Variants in NRG1 observed in about 807,000 individuals in gnomAD.
NRG1 encodes the protein pro-neuregulin-1, membrane-bound isoform.
NRG1 carries 18 observed loss-of-function variants against 63.8 expected under a neutral mutation model. The observed-to-expected ratio is 0.28, with a 90% CI of 0.19 to 0.42. NRG1 has a LOEUF of 0.42. Ranked by LOEUF, NRG1 falls within the 10% of genes least tolerant of loss-of-function variation. The pLI, the probability that NRG1 is intolerant of heterozygous loss-of-function variation, is 1.00. For missense variants in NRG1, 762 were observed against 814.7 expected (o/e 0.94, Z 0.79); for synonymous variants, 302 against 301.3 (o/e 1.00, Z -0.02).
At chr8:31,937,570 C>T (rs565772027) in intron 1 of NRG1, among the ~76,000 whole-genome samples, 6 of 152,124 alleles carry the variant, frequency 3.9e-5, no homozygotes, top group Non-Finnish European at 7.4e-5. Context: ...TGTCGAAAAA[C>T]TGTGAGTCTG....
chr8:32,759,340 A>C, exon 10 of NRG1: 3 of 1,613,938 alleles, frequency 1.9e-6, no homozygotes, highest in Non-Finnish European at 2.5e-6. Flanking sequence ...TCCAGTGAGC[A>C]TATTGTTGAG....
At chr8:31,986,431 G>A (rs1810079735) in intron 1 of NRG1, among the ~76,000 whole-genome samples, 1 of 152,180 alleles carries the variant, frequency 6.6e-6, no homozygotes, top group South Asian at 2.1e-4. Context: ...AGAGGCCAGA[G>A]ATCTCAAAAA....
chr8:32,712,193 A>G (rs762327276), intron 5 of NRG1, among the ~76,000 whole-genome samples: 1 of 152,156 alleles, frequency 6.6e-6, no homozygotes, highest in Non-Finnish European at 1.5e-5. Context: ...TCCGATTTTC[A>G]TGCTTCTGGG....
rs146206626 is a variant in NRG1 at position 32,076,195 on chromosome 8, C to G, written c.37+436764C>G. On this transcript the variant is annotated intron_variant, in intron 1 of 10. Coordinates refer to the NRG1 transcript ENST00000519301. The stretch of plus-strand genomic sequence containing the variant: ...AGTGGTGTGGTTTGCTTCTCCTGAC[C>G]CTTTCATGAGCAAAGCTGGTTTCAG... Among the ~76,000 whole-genome samples the G allele has an allele frequency of 6.0e-4, 91 of 152,202 alleles. 1 individual carries two copies. The East Asian group carries it at 0.016, about 26-fold the overall frequency.
At chr8:32,217,238 A>T (rs932270005) in intron 1 of NRG1, among the ~76,000 whole-genome samples, 1 of 95,206 alleles carries the variant, frequency 1.1e-5, no homozygotes, top group Non-Finnish European at 2.1e-5. Flanking sequence ...AAAAAAAAAA[A>T]AAAAAATACT....
chr8:31,804,695 A>G (rs1182631578), intron 1 of NRG1, among the ~76,000 whole-genome samples: 2 of 152,168 alleles, frequency 1.3e-5, no homozygotes, highest in Non-Finnish European at 2.9e-5. Context: ...TTTTTCTTCT[A>G]TGGAAAGCCT....
chr8:32,174,879 T>C (rs1840520203), intron 1 of NRG1, among the ~76,000 whole-genome samples: 1 of 152,146 alleles, frequency 6.6e-6, no homozygotes, highest in Admixed American at 6.5e-5. Context: ...CCAGATCGAT[T>C]CACAGCCAAA....
chr8:31,927,753 T>A (rs910014867), intron 1 of NRG1, among the ~76,000 whole-genome samples: 1 of 151,492 alleles, frequency 6.6e-6, no homozygotes, highest in African/African-American at 2.4e-5. Context: ...CGGCCTACTT[T>A]TTTTTTTAAA....
chr8:32,189,680 A>G (rs1439948148), intron 1 of NRG1, among the ~76,000 whole-genome samples: 1 of 152,212 alleles, frequency 6.6e-6, no homozygotes, highest in Non-Finnish European at 1.5e-5. Flanking sequence ...CTTTCCTCTT[A>G]TACAATTTGG....
At chr8:31,830,894 C>T (rs998555807) in intron 1 of NRG1, among the ~76,000 whole-genome samples, 1 of 152,088 alleles carries the variant, frequency 6.6e-6, no homozygotes, top group Non-Finnish European at 1.5e-5. Flanking sequence ...CTCAGCCCCT[C>T]CCCCAATACC....
chr8:31,893,591 A>G (rs1458791049), intron 1 of NRG1, among the ~76,000 whole-genome samples: 10 of 151,718 alleles, frequency 6.6e-5, no homozygotes, highest in South Asian at 2.1e-4. Context: ...ATCATAAGAG[A>G]AAACAAGACA....
At chr8:32,062,479 A>G (rs1008745831) in intron 1 of NRG1, among the ~76,000 whole-genome samples, 1 of 152,082 alleles carries the variant, frequency 6.6e-6, no homozygotes, top group Non-Finnish European at 1.5e-5. Flanking sequence ...TGCCTCTTGC[A>G]ATCTGACAGC....
At chr8:32,250,659 T>C (rs1378865047) in intron 1 of NRG1, among the ~76,000 whole-genome samples, 2 of 152,162 alleles carry the variant, frequency 1.3e-5, no homozygotes, top group Non-Finnish European at 2.9e-5. Flanking sequence ...TATTATAAAA[T>C]GAATTTAGTA....
chr8:32,662,327 C>T (rs1218145862), intron 5 of NRG1, among the ~76,000 whole-genome samples: 1 of 152,092 alleles, frequency 6.6e-6, no homozygotes, highest in Admixed American at 6.5e-5. Context: ...GGCAGAAGGC[C>T]AGTGTAGTCA....
intron 1 of NRG1, among the ~76,000 whole-genome samples, chr8:32,149,683 G>A (rs1276176401): frequency 1.3e-5 from 2 of 152,162 alleles, no homozygotes; most frequent in Admixed American, 6.5e-5. Flanking sequence ...GAAAAAGGCG[G>A]AAGAATGAGG....
chr8:31,898,275 T>C (rs1249005138), intron 1 of NRG1, among the ~76,000 whole-genome samples: 1 of 152,138 alleles, frequency 6.6e-6, no homozygotes, highest in East Asian at 1.9e-4. Flanking sequence ...TCTCTTCAAA[T>C]ATTAAGAGTT....
At chr8:31,927,800 C>G (rs1471695006) in intron 1 of NRG1, among the ~76,000 whole-genome samples, 2 of 150,946 alleles carry the variant, frequency 1.3e-5, no homozygotes, top group African/African-American at 4.9e-5. Context: ...CCTTTTCAAC[C>G]AAAGTTGAGG....
At chr8:32,767,666 T>G (rs1831532253) in exon 12 of NRG1, 2 of 152,206 alleles carry the variant, frequency 1.3e-5, no homozygotes, top group Non-Finnish European at 2.9e-5. Flanking sequence ...CATATAGAGT[T>G]GTTTTCATAT....
At chr8:31,671,894 G>C (rs543773577) in intron 1 of NRG1, among the ~76,000 whole-genome samples, 1 of 152,196 alleles carries the variant, frequency 6.6e-6, no homozygotes, top group East Asian at 1.9e-4. Context: ...CAAGACATAT[G>C]TTAGGTCTCT....
Sources: gnomAD v4.1 joint callset for allele counts (sites outside exome capture counted in the v4.1 genomes callset) on GRCh38, gnomAD v4.1.1 for gene constraint, MANE v1.5 for transcripts, NCBI Gene and HGNC (gene_info 2026-07-23, HGNC 2026-07-21) for gene names.